The following ACER3 variants were observed in gnomAD, a reference collection of about 807,000 sequenced individuals.
ACER3 encodes the protein alkaline ceramidase 3, also known as alkCDase 3.
A neutral mutation model predicts 48.9 loss-of-function variants in ACER3; 16 were observed. That is an observed-to-expected ratio of 0.33 (90% CI 0.22 to 0.50). The LOEUF (loss-of-function observed/expected upper bound fraction) is 0.50, where lower values mean the gene tolerates loss of function less well. Among genes scored for constraint, ACER3 ranks in the 20% least tolerant of loss-of-function variants. The pLI is 0.98. For synonymous variants in ACER3, 109 were observed against 107.8 expected (o/e 1.01, Z -0.07); for missense variants, 227 against 326.0 (o/e 0.70, Z 2.34).
chr11:77,008,349 C>G (rs1949196541), intron 7 of ACER3, among the ~76,000 whole-genome samples: 2 of 152,214 alleles, frequency 1.3e-5, no homozygotes, highest in South Asian at 4.1e-4. Flanking sequence ...TGACTTAAAT[C>G]AAGTCTGATA....
intron 1 of ACER3, among the ~76,000 whole-genome samples, chr11:76,890,260 A>G (rs1945772163): frequency 6.6e-6 from 1 of 152,182 alleles, no homozygotes; most frequent in African/African-American, 2.4e-5. Flanking sequence ...AGACATAACT[A>G]TAATTATTTA....
At chr11:77,005,994 T>TATATATACATATATATA (rs1272209642) in intron 7 of ACER3, among the ~76,000 whole-genome samples, 2 of 82,150 alleles carry the variant, frequency 2.4e-5, no homozygotes, top group Admixed American at 1.3e-4. Flanking sequence ...TATATATATT[T>TATATATACATATATATA]TTTTTTTTTT....
intron 3 of ACER3, among the ~76,000 whole-genome samples, chr11:76,970,389 A>C (rs1262851387): frequency 6.6e-6 from 1 of 152,234 alleles, no homozygotes; most frequent in Non-Finnish European, 1.5e-5. Context: ...AATATTATGA[A>C]AACATCAGAC....
chr11:76,989,042 T>A lies in ACER3; in HGVS notation c.403-1497T>A, dbSNP rs529814243. ...CTCCATAATTATTTGCTTTAAAAAA[T>A]GTCTTTAAGAGATATGTCGTTTTGC... On this transcript the variant is annotated intron_variant, in intron 5 of 10. Transcript: ENST00000532485. Among the ~76,000 whole-genome samples the A allele has an allele frequency of 3.2e-4, 48 of 151,454 alleles. No individual in the cohort carries two copies. In the East Asian group the frequency reaches 9.3e-3, roughly 29 times the overall value.
chr11:77,018,793 G>C (rs902179902), intron 9 of ACER3, among the ~76,000 whole-genome samples: 2 of 152,236 alleles, frequency 1.3e-5, no homozygotes, highest in Non-Finnish European at 2.9e-5. Flanking sequence ...TGTGAAGGCT[G>C]ACAGAAGTGA....
intron 8 of ACER3, chr11:77,015,350 G>A: frequency 2.7e-6 from 1 of 372,080 alleles, no homozygotes; most frequent in Non-Finnish European, 4.8e-6. Context: ...TTTTGTGTGT[G>A]TGGGCATCAA....
chr11:77,020,587 C>T lies in ACER3; in HGVS notation c.*260C>T. Reference sequence around the variant, plus strand: ...AAACAGAGATGATGTGTGTGTATGCCTCAAATGCAGAAACAGTTGGGCTTT... The same window carrying T: ...AAACAGAGATGATGTGTGTGTATGCTTCAAATGCAGAAACAGTTGGGCTTT... On this transcript the variant is annotated 3_prime_UTR_variant, in exon 11 of 11. Transcript: ENST00000532485. 1 of 405,400 alleles carries T rather than the reference C, an allele frequency of 2.5e-6. No homozygotes were observed. The highest frequency in any genetic ancestry group is 4.5e-6 in the Non-Finnish European group (1 of 224,422). 25.1% of individuals were successfully genotyped at this position (405,400 alleles called of 1,614,324 possible). A position where few individuals can be genotyped will look rare whatever the true frequency, so the allele number is the denominator to read the frequency against.
At chr11:77,001,286 C>G (rs1277879693) in intron 7 of ACER3, among the ~76,000 whole-genome samples, 2 of 152,060 alleles carry the variant, frequency 1.3e-5, no homozygotes, top group African/African-American at 4.8e-5. Flanking sequence ...GACAGAGTCT[C>G]GCACTGTCTC....
chr11:76,927,661 CAAGTGTTCTCATTGT>C (rs1341298152), intron 2 of ACER3, among the ~76,000 whole-genome samples: 2 of 151,960 alleles, frequency 1.3e-5, no homozygotes, highest in East Asian at 3.9e-4. Flanking sequence ...ACCCTGTGTC[CAAGTGTTCTCATTGT>C]TCAATTCCCA....
chr11:76,886,482 A>G (rs7113282), intron 1 of ACER3, among the ~76,000 whole-genome samples: 107,200 of 152,058 alleles, frequency 0.7, 38,091 homozygotes, highest in Non-Finnish European at 0.74. Context: ...TATAACACTT[A>G]GGAGATACGT....
chr11:77,002,057 T>C (rs1424879699), intron 7 of ACER3, among the ~76,000 whole-genome samples: 1 of 152,182 alleles, frequency 6.6e-6, no homozygotes, highest in Admixed American at 6.5e-5. Context: ...TGTGTGTTTG[T>C]GTCCTAATCT....
At chr11:76,951,532 G>T (rs1387538561) in intron 2 of ACER3, among the ~76,000 whole-genome samples, 1 of 152,162 alleles carries the variant, frequency 6.6e-6, no homozygotes, top group Non-Finnish European at 1.5e-5. Flanking sequence ...TTGATTTCTT[G>T]TTAAATGTGG....
At chr11:76,863,874 A>T (rs1480265581) in intron 1 of ACER3, among the ~76,000 whole-genome samples, 1 of 152,250 alleles carries the variant, frequency 6.6e-6, no homozygotes, top group Non-Finnish European at 1.5e-5. Flanking sequence ...TAGTGTTCAC[A>T]TTGAAGTCTG....
intron 1 of ACER3, among the ~76,000 whole-genome samples, chr11:76,870,831 A>G (rs1945223864): frequency 2.0e-5 from 3 of 152,230 alleles, no homozygotes; most frequent in Non-Finnish European, 4.4e-5. Context: ...GCATTGATAT[A>G]AAACAAAACA....
At chr11:76,917,859 CAAAAAAAAAA>C (rs5792749) in intron 1 of ACER3, among the ~76,000 whole-genome samples, 1 of 113,024 alleles carries the variant, frequency 8.8e-6, no homozygotes, top group Admixed American at 8.8e-5. Flanking sequence ...GACCCTGTCT[CAAAAAAAAAA>C]AAAAAAGAAA....
chr11:76,982,608 T>C (rs1439720118), intron 4 of ACER3, among the ~76,000 whole-genome samples: 1 of 152,210 alleles, frequency 6.6e-6, no homozygotes, highest in Non-Finnish European at 1.5e-5. Context: ...GTATTTTAAA[T>C]ATTTTTCCAG....
chr11:76,926,612 G>A lies in ACER3; in HGVS notation c.159G>A (p.Gln53=). 1.9e-6 allele frequency: 3 copies of A among 1,608,836 alleles called. No homozygotes were observed. The highest frequency in any genetic ancestry group is 1.7e-6 in the Non-Finnish European group (2 of 1,175,388). Residue 53 remains glutamine (Q), a synonymous_variant, in exon 2 of 11, where the codon CAG becomes CAA. Coordinates refer to ENST00000532485, the MANE Select transcript of ACER3 (RefSeq NM_018367.7). ...TACCTCCAATGTTCGGTGCAGTTCA[G>A]AGTGTTAGAGACGGTCTGGAAAAGC... The part of the protein sequence containing the change: ...MIIPPMFGAV[Q]SVRDGLEKRY...
At chr11:76,928,349 T>G (rs1453045429) in intron 2 of ACER3, among the ~76,000 whole-genome samples, 1 of 152,242 alleles carries the variant, frequency 6.6e-6, no homozygotes, top group Non-Finnish European at 1.5e-5. Context: ...TCTTTGTAGA[T>G]TCTGGATACT....
intron 3 of ACER3, among the ~76,000 whole-genome samples, chr11:76,972,700 G>A (rs1948336014): frequency 6.6e-6 from 1 of 152,194 alleles, no homozygotes; most frequent in African/African-American, 2.4e-5. Context: ...GCCCTCCAGT[G>A]AGGAGCCCCC....
Sources: allele counts gnomAD v4.1 joint callset (sites outside exome capture counted in the v4.1 genomes callset), GRCh38; gene constraint gnomAD v4.1.1; transcripts MANE v1.5; gene names NCBI Gene and HGNC (gene_info 2026-07-23, HGNC 2026-07-21).